The following BACE2 variants were observed in gnomAD, a reference collection of about 807,000 sequenced individuals.
The protein encoded by BACE2 is 56 kDa aspartic-like protease.
In BACE2, 17 loss-of-function variants were observed where a neutral mutation model predicts 46.2. The observed-to-expected ratio is 0.37, with a 90% CI of 0.25 to 0.55. The LOEUF is 0.55. BACE2 is among the 20% of genes least tolerant of loss of function. BACE2 has a pLI of 0.82. For missense variants in BACE2, 595 were observed against 698.1 expected (o/e 0.85, Z 1.66); for synonymous variants, 277 against 295.9 (o/e 0.94, Z 0.66).
Position 41,241,802 on chromosome 21 carries a change from C to G in BACE2, c.619-17C>G. On this transcript the variant is annotated splice_polypyrimidine_tract_variant and intron_variant, in intron 3 of 8. Transcript: ENST00000330333. Reference sequence around the variant, plus strand: ...GTGAGTCCTAAGCGGGTGCCCCTCTCTGTCGCCCTCCCGCAGCCATCAAGT... The same window carrying G: ...GTGAGTCCTAAGCGGGTGCCCCTCTGTGTCGCCCTCCCGCAGCCATCAAGT... 6.2e-7 allele frequency: 1 copy of G among 1,613,916 alleles called. No homozygotes were observed. The highest frequency in any genetic ancestry group is 8.5e-7 in the Non-Finnish European group (1 of 1,179,900).
At position 41,275,821 on chromosome 21, in the gene BACE2, A is replaced by C; in HGVS notation, c.*197A>C. 1.4e-6 allele frequency: 1 copy of C among 691,158 alleles called. No individual in the cohort carries two copies. The highest frequency in any genetic ancestry group is 2.3e-6 in the Non-Finnish European group (1 of 429,740). 42.8% of individuals were successfully genotyped at this position (691,158 alleles called of 1,614,324 possible). A position where few individuals can be genotyped will look rare whatever the true frequency, so the allele number is the denominator to read the frequency against. On this transcript the variant is annotated 3_prime_UTR_variant, in exon 9 of 9. Coordinates refer to ENST00000330333, the MANE Select transcript of BACE2 (RefSeq NM_012105.5). The stretch of plus-strand genomic sequence containing the variant: ...AGCTTTCAAATCCTCCCTACTTCCA[A>C]GAAAAATAATTAAAAAAAAAACTTC...
At chr21:41,212,413 G>C (rs1986327869) in intron 1 of BACE2, among the ~76,000 whole-genome samples, 1 of 152,184 alleles carries the variant, frequency 6.6e-6, no homozygotes, top group Non-Finnish European at 1.5e-5. Context: ...TTAGGGGTCA[G>C]GGCACAGACA....
chr21:41,214,844 A>G (rs1399839171), intron 1 of BACE2, among the ~76,000 whole-genome samples: 1 of 152,172 alleles, frequency 6.6e-6, no homozygotes, highest in Non-Finnish European at 1.5e-5. Context: ...TATCTGGAGA[A>G]GACAGGCTCC....
At chr21:41,256,140 T>C (rs1280483467) in intron 7 of BACE2, among the ~76,000 whole-genome samples, 1 of 152,100 alleles carries the variant, frequency 6.6e-6, no homozygotes, top group African/African-American at 2.4e-5. Context: ...GTGCAGAATG[T>C]GCAGGTTTGT....
chr21:41,192,916 A>G (rs565299131), intron 1 of BACE2, among the ~76,000 whole-genome samples: 43 of 152,328 alleles, frequency 2.8e-4, no homozygotes, highest in African/African-American at 9.4e-4. Context: ...CCTTCACCTT[A>G]GAAGGAATAT....
intron 1 of BACE2, among the ~76,000 whole-genome samples, chr21:41,216,382 T>A (rs1406115801): frequency 6.6e-6 from 1 of 152,246 alleles, no homozygotes; most frequent in Non-Finnish European, 1.5e-5. Flanking sequence ...TGACTGGCTT[T>A]GCCAAGCTGT....
intron 1 of BACE2, among the ~76,000 whole-genome samples, chr21:41,215,091 G>A (rs1986419272): frequency 1.3e-5 from 2 of 152,168 alleles, no homozygotes; most frequent in South Asian, 2.1e-4. Flanking sequence ...AGCACGGGAG[G>A]TCACTGGTGA....
At chr21:41,257,849 G>T (rs1987832955) in intron 8 of BACE2, among the ~76,000 whole-genome samples, 1 of 152,174 alleles carries the variant, frequency 6.6e-6, no homozygotes, top group Non-Finnish European at 1.5e-5. Context: ...CTAGCTGGAG[G>T]GTTGGCAGGT....
chr21:41,192,231 G>C (rs1985598179), intron 1 of BACE2, among the ~76,000 whole-genome samples: 1 of 152,170 alleles, frequency 6.6e-6, no homozygotes, highest in Non-Finnish European at 1.5e-5. Context: ...CTCTTCCTCT[G>C]TCAGCTGATC....
chr21:41,241,501 G>A (rs906578615), intron 3 of BACE2, among the ~76,000 whole-genome samples: 1 of 152,194 alleles, frequency 6.6e-6, no homozygotes. Context: ...CACCTGCCAC[G>A]GTAACCTACT....
chr21:41,190,524 C>T (rs1027930907), intron 1 of BACE2, among the ~76,000 whole-genome samples: 1 of 152,216 alleles, frequency 6.6e-6, no homozygotes, highest in Non-Finnish European at 1.5e-5. Flanking sequence ...CTCGTTTCTG[C>T]AGCTGGTCAC....
At chr21:41,215,244 G>A (rs945543356) in intron 1 of BACE2, among the ~76,000 whole-genome samples, 2 of 152,190 alleles carry the variant, frequency 1.3e-5, no homozygotes, top group Non-Finnish European at 2.9e-5. Flanking sequence ...TGGAGGGAGT[G>A]TGTTTTGGGT....
intron 8 of BACE2, among the ~76,000 whole-genome samples, chr21:41,269,946 C>A (rs2088418091): frequency 6.6e-6 from 1 of 152,212 alleles, no homozygotes; most frequent in African/African-American, 2.4e-5. Context: ...TTTATCATGT[C>A]ACATTCCTGC....
intron 2 of BACE2, among the ~76,000 whole-genome samples, chr21:41,234,596 C>G (rs879676736): frequency 6.6e-6 from 1 of 152,206 alleles, no homozygotes; most frequent in Non-Finnish European, 1.5e-5. Flanking sequence ...TGTTCTAGAT[C>G]CTATTCTCCA....
intron 1 of BACE2, among the ~76,000 whole-genome samples, chr21:41,199,028 C>G (rs1985850435): frequency 7.8e-6 from 1 of 127,564 alleles, no homozygotes; most frequent in South Asian, 3.3e-4. Context: ...CCCCTCCCCC[C>G]ACCCCACGAC....
intron 7 of BACE2, among the ~76,000 whole-genome samples, chr21:41,256,544 A>G (rs989763740): frequency 1.3e-5 from 2 of 152,208 alleles, no homozygotes; most frequent in Non-Finnish European, 2.9e-5. Flanking sequence ...CCTCTGCACA[A>G]TAAAACTTTG....
chr21:41,194,828 G>A (rs1985684035), intron 1 of BACE2, among the ~76,000 whole-genome samples: 1 of 152,192 alleles, frequency 6.6e-6, no homozygotes, highest in African/African-American at 2.4e-5. Flanking sequence ...AGTACCTTAA[G>A]GCAATTTGCC....
At chr21:41,260,304 C>G (rs1031811810) in intron 8 of BACE2, among the ~76,000 whole-genome samples, 44 of 152,080 alleles carry the variant, frequency 2.9e-4, no homozygotes, top group Non-Finnish European at 7.4e-5. Flanking sequence ...TCACCATGCC[C>G]AGAAAATTTT....
chr21:41,235,185 C>G (rs1987081627), intron 2 of BACE2, among the ~76,000 whole-genome samples: 1 of 152,192 alleles, frequency 6.6e-6, no homozygotes, highest in Admixed American at 6.5e-5. Flanking sequence ...CAGCTGGCCA[C>G]TGTTAATATT....
Sources: gnomAD v4.1 joint callset for allele counts (sites outside exome capture counted in the v4.1 genomes callset) on GRCh38, gnomAD v4.1.1 for gene constraint, MANE v1.5 for transcripts, NCBI Gene and HGNC (gene_info 2026-07-23, HGNC 2026-07-21) for gene names.